POFUT2: variants seen among roughly 807,000 people sequenced by gnomAD.
POFUT2 encodes the protein GDP-fucose protein O-fucosyltransferase 2.
In POFUT2, 30 loss-of-function variants were observed where a neutral mutation model predicts 55.0. The ratio of observed to expected loss-of-function variants is 0.55; its 90% CI spans 0.41 to 0.74. POFUT2 has a LOEUF of 0.74. Ranked by LOEUF, POFUT2 falls within the 30% of genes least tolerant of loss-of-function variation. The pLI is 0.00. For missense variants in POFUT2, 524 were observed against 562.6 expected (o/e 0.93, Z 0.69); for synonymous variants, 267 against 231.1 (o/e 1.16, Z -1.41).
intron 1 of POFUT2, among the ~76,000 whole-genome samples, chr21:45,286,476 C>T (rs1447347861): frequency 6.6e-6 from 1 of 152,198 alleles, no homozygotes; most frequent in Non-Finnish European, 1.5e-5. Context: ...AGCTGGATTC[C>T]CATACCCGTT....
Position 45,267,238 on chromosome 21 carries a change from C to T in POFUT2, c.1136+352G>A. 2.8e-6 allele frequency: 4 copies of T among 1,425,934 alleles called. No individual in the cohort carries two copies. The highest frequency in any genetic ancestry group is 2.9e-5 in the African/African-American group (2 of 69,612). The allele number at this position is 1,425,934 out of a possible 1,614,324, so 88.3% of individuals were successfully genotyped here. ...CAACAACACAGCAACAAGGACATGC[C>T]CAAGTCCAGGGCACGGGCAACTCTC... On this transcript the variant is annotated intron_variant, in intron 8 of 8. Coordinates refer to ENST00000349485, the MANE Select transcript of POFUT2 (RefSeq NM_133635.6). This position sits in a 1 kb window ranked among gnomAD's most constrained non-coding sequence, Gnocchi z 4.4.
rs1354986178 is a variant in POFUT2, at chr21:45,265,918, C to T, written c.1137-283G>A. The T allele has an allele frequency of 7.7e-7, 1 of 1,296,046 alleles. No individual in the cohort carries two copies. The allele number at this position is 1,296,046 out of a possible 1,614,324, so 80.3% of individuals were successfully genotyped here. On this transcript the variant is annotated intron_variant, in intron 8 of 8. Transcript: ENST00000349485. The surrounding 1 kb of genome is among the most constrained non-coding windows in gnomAD (Gnocchi z 4.6). ...CGCTCCTGTCCCACCGCATGTCCCCCTGGGAGCCCTCCTCTCCGTCACCAA... is the reference window on the plus strand; with the variant it reads ...CGCTCCTGTCCCACCGCATGTCCCCTTGGGAGCCCTCCTCTCCGTCACCAA...
In POFUT2 at chr21:45,282,438, CTCA is replaced by C; in HGVS notation, c.546_548del (p.Tyr182_Glu183delinsTer). 6.2e-7 allele frequency: 1 copy of C among 1,610,022 alleles called. No individual in the cohort carries two copies. Among genetic ancestry groups the C allele is most frequent in the East Asian group, 2.2e-5 (1 of 44,866 alleles). ...AGGAGACGTTTAGACCCCTGGTCTC[CTCA>C]TAACCCCAAAACCATCCTCTGGAAA... is the stretch of plus-strand genomic sequence containing the variant. On this transcript the variant is annotated stop_gained and inframe_deletion, in exon 4 of 9. Transcript: ENST00000349485. LOFTEE classifies it high-confidence loss of function. The surrounding 1 kb of genome is among the most constrained non-coding windows in gnomAD (Gnocchi z 4.6).
chr21:45,273,660 A>G (rs1290201732), intron 6 of POFUT2, among the ~76,000 whole-genome samples: 1 of 152,224 alleles, frequency 6.6e-6, no homozygotes, highest in Non-Finnish European at 1.5e-5. Flanking sequence ...ATGGTTTAAC[A>G]TATCCAAGTC....
Position 45,282,837 on chromosome 21 carries a change from G to A in POFUT2, c.528-378C>T, listed in dbSNP as rs1362033203. 2.1e-6 allele frequency: 1 copy of A among 483,712 alleles called. No homozygotes were observed. Among genetic ancestry groups the A allele is most frequent in the South Asian group, 1.5e-5 (1 of 64,648 alleles). 30.0% of individuals were successfully genotyped at this position (483,712 alleles called of 1,614,324 possible). A position where few individuals can be genotyped will look rare whatever the true frequency, so the allele number is the denominator to read the frequency against. ...CTTTAGAGCCAGCTGCCCTGGCACT[G>A]GACACATGGAGGCTGTTAACTGACA... On this transcript the variant is annotated intron_variant, in intron 3 of 8. Transcript: ENST00000349485. The surrounding 1 kb of genome is among the most constrained non-coding windows in gnomAD (Gnocchi z 4.6).
chr21:45,269,500 G>A (rs968868383), intron 7 of POFUT2, among the ~76,000 whole-genome samples: 7 of 152,074 alleles, frequency 4.6e-5, no homozygotes, highest in Non-Finnish European at 7.3e-5. Context: ...CCAACCCTGT[G>A]CTCTCTGAAA....
At chr21:45,274,440 C>G (rs2093245346) in intron 6 of POFUT2, among the ~76,000 whole-genome samples, 1 of 152,142 alleles carries the variant, frequency 6.6e-6, no homozygotes, top group Non-Finnish European at 1.5e-5. Flanking sequence ...TCATTCTTCA[C>G]AGAACTAGAA....
intron 2 of POFUT2, 89 bp from the exon 3 acceptor site, chr21:45,283,616 C>T (rs939287951): frequency 7.7e-7 from 1 of 1,298,904 alleles, no homozygotes. Flanking sequence ...CTGACTCTTA[C>T]TACTGTACAC....
In POFUT2 at chr21:45,285,935, A is replaced by C. The variant is rs2031355508; in HGVS notation, c.132-7T>G. On this transcript the variant is annotated splice_region_variant and splice_polypyrimidine_tract_variant and intron_variant, in intron 1 of 8. Transcript: ENST00000349485. This position sits in a 1 kb window ranked among gnomAD's most constrained non-coding sequence, Gnocchi z 4.9. ...GACGTCATACAGAAGATACCTGAGC[A>C]GGGAGAAGGAGGACCACAGGTCTCA... 6.3e-7 allele frequency: 1 copy of C among 1,592,920 alleles called. No homozygotes were observed. Among genetic ancestry groups the C allele is most frequent in the Non-Finnish European group, 8.6e-7 (1 of 1,168,388 alleles).
chr21:45,274,062 A>C (rs1408592534), intron 6 of POFUT2, among the ~76,000 whole-genome samples: 1 of 152,212 alleles, frequency 6.6e-6, no homozygotes, highest in African/African-American at 2.4e-5. Flanking sequence ...ATACCTAGGA[A>C]ACCCTAAAGA....
chr21:45,266,548 C>T, intron 8 of POFUT2: 1 of 1,076,156 alleles, frequency 9.3e-7, no homozygotes, highest in East Asian at 7.7e-5. Context: ...CAGTCAAAAT[C>T]CCAAGGCCAC....
chr21:45,286,062 AGTGGC>A lies in POFUT2; in HGVS notation c.132-139_132-135del, dbSNP rs1201203840. 8.3e-6 allele frequency: 6 copies of A among 727,160 alleles called. No individual in the cohort carries two copies. The East Asian group carries it at 1.3e-4, about 15-fold the overall frequency. 45.0% of individuals were successfully genotyped at this position (727,160 alleles called of 1,614,324 possible). A position where few individuals can be genotyped will look rare whatever the true frequency, so the allele number is the denominator to read the frequency against. On this transcript the variant is annotated intron_variant, in intron 1 of 8. Coordinates refer to ENST00000349485, the MANE Select transcript of POFUT2 (RefSeq NM_133635.6). ...TGGTTCCTAGTTTGTGAAGGCAGTG[AGTGGC>A]CTGTTTCTCTATGACCAGTTACTTA...
chr21:45,273,528 C>A (rs1038845237), intron 6 of POFUT2, among the ~76,000 whole-genome samples: 2 of 152,074 alleles, frequency 1.3e-5, no homozygotes, highest in Non-Finnish European at 2.9e-5. Flanking sequence ...AATCAACAGA[C>A]CAATATCCCT....
Position 45,277,734 on chromosome 21 carries a change from G to A in POFUT2, c.705+369C>T, listed in dbSNP as rs1218752611. The A allele has an allele frequency of 3.1e-5, 8 of 261,400 alleles. No homozygotes were observed. The highest frequency in any genetic ancestry group is 2.0e-4 in the Admixed American group (4 of 20,246). 16.2% of individuals were successfully genotyped at this position (261,400 alleles called of 1,614,324 possible). A position where few individuals can be genotyped will look rare whatever the true frequency, so the allele number is the denominator to read the frequency against. On this transcript the variant is annotated intron_variant, in intron 5 of 8. Transcript: ENST00000349485. The surrounding 1 kb of genome is among the most constrained non-coding windows in gnomAD (Gnocchi z 6.9). Reference sequence around the variant, plus strand: ...CATCAATGCGGAAATCAACGCCAACGGAAAAGACCCGCTGCAGAGAATAGT... The same window carrying A: ...CATCAATGCGGAAATCAACGCCAACAGAAAAGACCCGCTGCAGAGAATAGT...
Position 45,270,643 on chromosome 21 carries a change from C to T in POFUT2, c.832-624G>A, listed in dbSNP as rs2093210862. On this transcript the variant is annotated intron_variant, in intron 6 of 8. Coordinates refer to ENST00000349485, the MANE Select transcript of POFUT2 (RefSeq NM_133635.6). This position sits in a 1 kb window ranked among gnomAD's most constrained non-coding sequence, Gnocchi z 4.6. ...CTACAACCAAGGACCCCCCCAGAGT[C>T]CACTTCACTCCCCCGCCACCTCCAG... is the stretch of plus-strand genomic sequence containing the variant. Among the ~76,000 whole-genome samples, 4 of 152,328 alleles carry T rather than the reference C, an allele frequency of 2.6e-5. No individual in the cohort carries two copies. The South Asian group carries it at 8.3e-4, about 32-fold the overall frequency.
Position 45,267,938 on chromosome 21 carries a change from C to G in POFUT2, c.1013-225G>C, listed in dbSNP as rs145152786. On this transcript the variant is annotated intron_variant, in intron 7 of 8. Transcript: ENST00000349485. The surrounding 1 kb of genome is among the most constrained non-coding windows in gnomAD (Gnocchi z 4.4). ...GTTCCAGGTCTACCCAGAACAGAACCAGGGATCAAGAAGAAAGGAAAGAAA... is the reference window on the plus strand; with the variant it reads ...GTTCCAGGTCTACCCAGAACAGAACGAGGGATCAAGAAGAAAGGAAAGAAA... Among the ~76,000 whole-genome samples, 3 of 152,252 alleles carry G rather than the reference C, an allele frequency of 2.0e-5. No individual in the cohort carries two copies. The highest frequency in any genetic ancestry group is 1.9e-4 in the East Asian group (1 of 5,178).
At chr21:45,276,327 C>G (rs1047349826) in intron 6 of POFUT2, among the ~76,000 whole-genome samples, 1 of 151,586 alleles carries the variant, frequency 6.6e-6, no homozygotes, top group Non-Finnish European at 1.5e-5. Flanking sequence ...TAAAAACTGT[C>G]CAAGTAACTT....
intron 6 of POFUT2, 54 bp downstream of exon 6, chr21:45,276,963 C>A: frequency 6.3e-7 from 1 of 1,587,920 alleles, no homozygotes; most frequent in Non-Finnish European, 8.6e-7. Context: ...GAGTGTGGGG[C>A]ATCTCCAGAG....
In POFUT2 at chr21:45,282,135, G is replaced by A. The variant is rs2030736540; in HGVS notation, c.638+214C>T. Among the ~76,000 whole-genome samples, 1 of 151,780 alleles carries A rather than the reference G, an allele frequency of 6.6e-6. No homozygotes were observed. The highest frequency in any genetic ancestry group is 2.4e-5 in the African/African-American group (1 of 41,332). On this transcript the variant is annotated intron_variant, in intron 4 of 8. Coordinates refer to ENST00000349485, the MANE Select transcript of POFUT2 (RefSeq NM_133635.6). This position sits in a 1 kb window ranked among gnomAD's most constrained non-coding sequence, Gnocchi z 4.6. ...GCCCTCACCTCTGTGCCCCTCACCC[G>A]CTGTCCACGTCACCCACTGCACCCA...
Sources: allele counts gnomAD v4.1 joint callset (sites outside exome capture counted in the v4.1 genomes callset), GRCh38; gene constraint gnomAD v4.1.1; non-coding constraint Gnocchi (gnomAD v3.1); transcripts MANE v1.5; gene names NCBI Gene and HGNC (gene_info 2026-07-23, HGNC 2026-07-21).